The following OXR1 variants were observed in gnomAD, a reference collection of about 807,000 sequenced individuals.
OXR1 encodes oxidation resistance protein 1.
OXR1 carries 41 observed loss-of-function variants against 104.6 expected under a neutral mutation model. That is an observed-to-expected ratio of 0.39 (90% CI 0.31 to 0.51). The LOEUF (loss-of-function observed/expected upper bound fraction) is 0.51, where lower values mean the gene tolerates loss of function less well. Among genes scored for constraint, OXR1 ranks in the 20% least tolerant of loss-of-function variants. OXR1 has a pLI of 0.77. For missense variants in OXR1, 955 were observed against 1,031.9 expected (o/e 0.93, Z 1.02); for synonymous variants, 348 against 348.4 (o/e 1.00, Z 0.01).
At chr8:106,333,324 G>T (rs1472161201) in intron 1 of OXR1, among the ~76,000 whole-genome samples, 1 of 151,822 alleles carries the variant, frequency 6.6e-6, no homozygotes, top group East Asian at 1.9e-4. Flanking sequence ...GCCTAATTTT[G>T]AGTTATTTAT....
chr8:106,741,196 A>T (rs763561902), intron 14 of OXR1, among the ~76,000 whole-genome samples: 2 of 152,200 alleles, frequency 1.3e-5, no homozygotes, highest in Non-Finnish European at 2.9e-5. Flanking sequence ...ACCAATGAAA[A>T]TGAATGAACT....
At chr8:106,352,310 T>C (rs1198138500) in intron 1 of OXR1, among the ~76,000 whole-genome samples, 3 of 152,204 alleles carry the variant, frequency 2.0e-5, no homozygotes, top group African/African-American at 4.8e-5. Flanking sequence ...ATTTGTAAAA[T>C]CCACTGGATA....
chr8:106,451,081 T>C (rs1439522684), intron 2 of OXR1, among the ~76,000 whole-genome samples: 1 of 152,136 alleles, frequency 6.6e-6, no homozygotes, highest in Non-Finnish European at 1.5e-5. Context: ...ACAGCTCCAG[T>C]GTCTGAAATA....
chr8:106,520,683 T>C (rs748228893), intron 3 of OXR1: 4 of 152,180 alleles, frequency 2.6e-5, no homozygotes, highest in Non-Finnish European at 4.4e-5. Flanking sequence ...GTTCCTCAAA[T>C]CAATTGACTA....
At chr8:106,520,016 A>C (rs1307058128) in intron 3 of OXR1, among the ~76,000 whole-genome samples, 1 of 152,150 alleles carries the variant, frequency 6.6e-6, no homozygotes, top group Admixed American at 6.5e-5. Flanking sequence ...CCACCCAAAA[A>C]GAGTGTGGCT....
At chr8:106,288,590 A>G (rs1586476717) in intron 1 of OXR1, among the ~76,000 whole-genome samples, 1 of 137,956 alleles carries the variant, frequency 7.2e-6, no homozygotes, top group South Asian at 2.3e-4. Context: ...GTATATACAC[A>G]CCATATATAT....
intron 3 of OXR1, among the ~76,000 whole-genome samples, chr8:106,550,826 G>A (rs1184353659): frequency 6.6e-6 from 1 of 152,056 alleles, no homozygotes; most frequent in African/African-American, 2.4e-5. Flanking sequence ...TGTCTTTATA[G>A]CAGTGTGAAA....
At chr8:106,456,739 G>A (rs1277440713) in intron 2 of OXR1, among the ~76,000 whole-genome samples, 1 of 151,994 alleles carries the variant, frequency 6.6e-6, no homozygotes, top group Non-Finnish European at 1.5e-5. Context: ...TAATCCCTCT[G>A]CCCAGCTCTT....
intron 3 of OXR1, among the ~76,000 whole-genome samples, chr8:106,631,909 ATAC>A (rs1428540874): frequency 6.6e-6 from 1 of 152,192 alleles, no homozygotes; most frequent in East Asian, 1.9e-4. Flanking sequence ...AGCACCTTAT[ATAC>A]TACTATATCC....
intron 1 of OXR1, among the ~76,000 whole-genome samples, chr8:106,336,913 T>C (rs1463757113): frequency 6.6e-6 from 1 of 152,206 alleles, no homozygotes; most frequent in Non-Finnish European, 1.5e-5. Context: ...ACTGAGCTAA[T>C]TCAAAATTTG....
intron 1 of OXR1, among the ~76,000 whole-genome samples, chr8:106,298,927 G>GTA (rs979811351): frequency 2.6e-5 from 4 of 151,558 alleles, no homozygotes; most frequent in African/African-American, 9.7e-5. Flanking sequence ...ATATATATGT[G>GTA]TGTGTGTGTG....
At chr8:106,472,020 T>A (rs1821517734) in intron 2 of OXR1, among the ~76,000 whole-genome samples, 1 of 151,850 alleles carries the variant, frequency 6.6e-6, no homozygotes, top group African/African-American at 2.4e-5. Context: ...TCCACTACTG[T>A]CTTTTGTGTG....
intron 1 of OXR1, among the ~76,000 whole-genome samples, chr8:106,290,558 G>C (rs1044344239): frequency 6.6e-6 from 1 of 152,004 alleles, no homozygotes; most frequent in Non-Finnish European, 1.5e-5. Flanking sequence ...TCCAACAAAG[G>C]TCTAATGTCC....
intron 11 of OXR1, among the ~76,000 whole-genome samples, chr8:106,721,364 C>T (rs1208700298): frequency 6.6e-6 from 1 of 151,972 alleles, no homozygotes; most frequent in African/African-American, 2.4e-5. Flanking sequence ...AGCTAAGAAA[C>T]TGGTTTTATT....
rs561701390 is a variant in OXR1, at chr8:106,506,482, G to A, written c.24-12461G>A. On this transcript the variant is annotated intron_variant, in intron 2 of 16. Transcript: ENST00000517566. Reference sequence around the variant, plus strand: ...CAAAAAATTAGCCGGGTGTGGTGGCGGGCACCTGTAGTCCCAGCTACTCGG... The same window carrying A: ...CAAAAAATTAGCCGGGTGTGGTGGCAGGCACCTGTAGTCCCAGCTACTCGG... Among the ~76,000 whole-genome samples the A allele has an allele frequency of 4.6e-3, 695 of 152,102 alleles. 5 individuals are homozygous for A. Among genetic ancestry groups the A allele is most frequent in the African/African-American group, 0.016 (660 of 41,500 alleles).
chr8:106,553,700 A>C (rs1326798292), intron 3 of OXR1, among the ~76,000 whole-genome samples: 1 of 152,182 alleles, frequency 6.6e-6, no homozygotes, highest in Admixed American at 6.5e-5. Context: ...TAAGAGCAAA[A>C]TGTGTATAAT....
chr8:106,431,713 G>A (rs893670521), intron 2 of OXR1, among the ~76,000 whole-genome samples: 2 of 152,178 alleles, frequency 1.3e-5, no homozygotes, highest in African/African-American at 4.8e-5. Context: ...GGCACTCACA[G>A]TGTATTTGTT....
intron 1 of OXR1, among the ~76,000 whole-genome samples, chr8:106,319,290 C>A (rs1248986504): frequency 6.6e-6 from 1 of 152,186 alleles, no homozygotes; most frequent in African/African-American, 2.4e-5. Context: ...TGTCTTCCCT[C>A]TTTGCCGCAG....
intron 1 of OXR1, among the ~76,000 whole-genome samples, chr8:106,303,629 C>A (rs1291944633): frequency 1.3e-5 from 2 of 152,092 alleles, no homozygotes; most frequent in Non-Finnish European, 2.9e-5. Flanking sequence ...TCACCGTTGG[C>A]ATAGCGTTTA....
Sources: allele counts gnomAD v4.1 joint callset (sites outside exome capture counted in the v4.1 genomes callset), GRCh38; gene constraint gnomAD v4.1.1; transcripts MANE v1.5; gene names NCBI Gene and HGNC (gene_info 2026-07-23, HGNC 2026-07-21).